Variants in ZNF560 observed in about 807,000 individuals in gnomAD.
The protein encoded by ZNF560 is zinc finger protein 560.
A neutral mutation model predicts 81.8 loss-of-function variants in ZNF560; 54 were observed. The ratio of observed to expected loss-of-function variants is 0.66; its 90% CI spans 0.53 to 0.83. ZNF560 has a LOEUF of 0.83. Among genes scored for constraint, ZNF560 ranks in the 40% least tolerant of loss-of-function variants. The pLI, the probability that ZNF560 is intolerant of heterozygous loss-of-function variation, is 0.00. For missense variants in ZNF560, 940 were observed against 932.4 expected (o/e 1.01, Z -0.11); for synonymous variants, 321 against 317.9 (o/e 1.01, Z -0.10).
chr19:9,469,055 C>T (rs1434807554), intron 9 of ZNF560, 50 bp downstream of exon 9: 2 of 1,396,296 alleles, frequency 1.4e-6, no homozygotes, highest in Non-Finnish European at 2.0e-6. Flanking sequence ...TAATGCAATA[C>T]CAGTCTTCTC....
chr19:9,457,866 T>C, the ZNF560 span, among the ~76,000 whole-genome samples: 2 of 152,186 alleles, frequency 1.3e-5, no homozygotes, highest in African/African-American at 4.8e-5. Context: ...TCACAAGCCC[T>C]TGGCAATTAA....
chr19:9,496,766 T>C (rs2073565805), intron 2 of ZNF560, among the ~76,000 whole-genome samples: 1 of 151,398 alleles, frequency 6.6e-6, no homozygotes, highest in African/African-American at 2.4e-5. Flanking sequence ...TGAAACCCCA[T>C]CTCCACTACA....
At chr19:9,482,510 A>C (rs937545291) in intron 2 of ZNF560, among the ~76,000 whole-genome samples, 4 of 152,066 alleles carry the variant, frequency 2.6e-5, no homozygotes, top group African/African-American at 9.7e-5. Context: ...ATGGTAGCAC[A>C]AACCTGTAGT....
intron 8 of ZNF560, 32 bp from the exon 9 acceptor site, chr19:9,469,219 T>C: frequency 1.4e-6 from 2 of 1,467,416 alleles, no homozygotes; most frequent in Non-Finnish European, 1.9e-6. Context: ...TACATGAGAG[T>C]TTACACATGA....
chr19:9,499,904 C>G (rs1256434404), upstream of ZNF560, among the ~76,000 whole-genome samples: 14 of 152,232 alleles, frequency 9.2e-5, no homozygotes, highest in East Asian at 2.5e-3. Context: ...AGATACAAAA[C>G]TAATTTTCAT....
chr19:9,465,552 G>C (rs1478834942), downstream of ZNF560, among the ~76,000 whole-genome samples: 1 of 152,196 alleles, frequency 6.6e-6, no homozygotes, highest in African/African-American at 2.4e-5. Context: ...CATCATCAGA[G>C]TGTAAGTTCT....
chr19:9,499,679 C>T (rs542363721), upstream of ZNF560, among the ~76,000 whole-genome samples: 5 of 152,234 alleles, frequency 3.3e-5, no homozygotes, highest in East Asian at 5.8e-4. Flanking sequence ...GTTGAATCTT[C>T]GGGTTATATT....
In ZNF560 at chr19:9,466,629, C is replaced by A. The variant is rs1272139972; in HGVS notation, c.2318G>T (p.Cys773Phe). 4.3e-6 allele frequency: 7 copies of A among 1,612,824 alleles called. No individual in the cohort carries two copies. Among genetic ancestry groups the A allele is most frequent in the Non-Finnish European group, 8.5e-7 (1 of 1,179,094 alleles). The change falls in exon 10 of 10, where the codon TGT (cysteine) becomes TTT (phenylalanine). Residue 773 changes from cysteine to phenylalanine, a missense_variant. Transcript: ENST00000301480. ...MGEKPFECDQ[C>F]GKAFASFSAR... ...TGAGAAAGAAGCAAAGGCTTTCCCACACTGGTCACATTCAAAGGGTTTCTC... is the reference window on the plus strand; with the variant it reads ...TGAGAAAGAAGCAAAGGCTTTCCCAAACTGGTCACATTCAAAGGGTTTCTC...
In ZNF560 at chr19:9,493,003, TAAG is replaced by T. The variant is rs553185065; in HGVS notation, c.-57+5122_-57+5124del. 5.9e-3 allele frequency among the ~76,000 whole-genome samples: 893 copies of T among 152,100 alleles called. 9 individuals are homozygous for T. Among genetic ancestry groups the T allele is most frequent in the African/African-American group, 0.021 (862 of 41,472 alleles). Reference sequence around the variant, plus strand: ...ATTAAACCAAGAAGAAAAAGAAAAATAAGGAGGTGAGAGGGTATAATCTATTAA... The same window carrying T: ...ATTAAACCAAGAAGAAAAAGAAAAATGAGGTGAGAGGGTATAATCTATTAA... On this transcript the variant is annotated intron_variant, in intron 2 of 9. Transcript: ENST00000301480.
Position 9,476,285 on chromosome 19 carries a change from GTTTT to G in ZNF560, c.-56-920_-56-917del, listed in dbSNP as rs917010279. Among the ~76,000 whole-genome samples the G allele has an allele frequency of 4.0e-5, 6 of 150,942 alleles. No homozygotes were observed. The South Asian group carries it at 6.3e-4, about 16-fold the overall frequency. ...TGAGTCTCACAAGATCTGATGGTGG[GTTTT>G]TTTTTGTTTGTTTTTGTTTTTGAAA... On this transcript the variant is annotated intron_variant, in intron 2 of 9. Transcript: ENST00000301480.
chr19:9,446,621 A>G, the ZNF560 span, among the ~76,000 whole-genome samples: 1 of 152,196 alleles, frequency 6.6e-6, no homozygotes, highest in South Asian at 2.1e-4. Flanking sequence ...AATATAGCAA[A>G]AGTGATGCAA....
At chr19:9,449,474 C>A in the ZNF560 span, among the ~76,000 whole-genome samples, 1 of 151,422 alleles carries the variant, frequency 6.6e-6, no homozygotes, top group East Asian at 1.9e-4. Context: ...AACAAGATAC[C>A]AAAATCTCTG....
chr19:9,503,236 A>T (rs1027891707), upstream of ZNF560, among the ~76,000 whole-genome samples: 1 of 152,084 alleles, frequency 6.6e-6, no homozygotes, highest in East Asian at 1.9e-4. Context: ...AATAATAATA[A>T]TAATTTTCCA....
At chr19:9,458,063 C>CTTTG in the ZNF560 span, among the ~76,000 whole-genome samples, 1 of 152,132 alleles carries the variant, frequency 6.6e-6, no homozygotes, top group Non-Finnish European at 1.5e-5. Context: ...AATTCACGGA[C>CTTTG]TTTGACTCCT....
At chr19:9,448,471 G>A in the ZNF560 span, among the ~76,000 whole-genome samples, 7 of 143,454 alleles carry the variant, frequency 4.9e-5, no homozygotes, top group African/African-American at 1.9e-4. Context: ...CCTGACCTGA[G>A]GTGTCCACCC....
At chr19:9,502,128 T>G (rs1222015742), upstream of ZNF560, among the ~76,000 whole-genome samples, 5 of 151,472 alleles carry the variant, frequency 3.3e-5, no homozygotes, top group Non-Finnish European at 7.4e-5. Flanking sequence ...CACTCCAGCC[T>G]GGGTGACAGA....
the ZNF560 span, among the ~76,000 whole-genome samples, chr19:9,449,900 C>T: frequency 7.6e-4 from 101 of 133,618 alleles, no homozygotes; most frequent in African/African-American, 2.1e-3. Flanking sequence ...ACCCAGGAGG[C>T]GGAGGTTGCA....
In ZNF560 at chr19:9,472,952, C is replaced by G. The variant is rs148393087; in HGVS notation, c.238+227G>C. Among the ~76,000 whole-genome samples, 295 of 152,280 alleles carry G rather than the reference C, an allele frequency of 1.9e-3. 1 individual carries two copies. Among genetic ancestry groups the G allele is most frequent in the Non-Finnish European group, 3.0e-3 (202 of 68,028 alleles). Reference sequence around the variant, plus strand: ...TCATCATGTAATTTGTCTGCTCCTCCTTTGCCTTCTGCCATGATTGTAAGG... The same window carrying G: ...TCATCATGTAATTTGTCTGCTCCTCGTTTGCCTTCTGCCATGATTGTAAGG... On this transcript the variant is annotated intron_variant, in intron 5 of 9. Coordinates refer to ENST00000301480, the MANE Select transcript of ZNF560 (RefSeq NM_152476.3).
the ZNF560 span, among the ~76,000 whole-genome samples, chr19:9,504,211 G>T: frequency 6.6e-6 from 1 of 152,086 alleles, no homozygotes; most frequent in African/African-American, 2.4e-5. Context: ...AGAGTGGATG[G>T]ATCATTTGAG....
Sources: allele counts gnomAD v4.1 joint callset (sites outside exome capture counted in the v4.1 genomes callset), GRCh38; gene constraint gnomAD v4.1.1; transcripts MANE v1.5; gene names NCBI Gene and HGNC (gene_info 2026-07-23, HGNC 2026-07-21).